Variants in ARID1B observed in about 807,000 individuals in gnomAD.
ARID1B encodes AT-rich interactive domain-containing protein 1B.
A neutral mutation model predicts 212.3 loss-of-function variants in ARID1B; 30 were observed. The observed-to-expected ratio is 0.14, with a 90% CI of 0.11 to 0.19. The LOEUF is 0.19. Among genes scored for constraint, ARID1B ranks in the 10% least tolerant of loss-of-function variants. ARID1B has a pLI of 1.00. For synonymous variants in ARID1B, 1,402 were observed against 1,301.7 expected, an observed-to-expected ratio of 1.08 and a Z score of -1.66; for missense variants, 2,891 against 3,204.0, an observed-to-expected ratio of 0.90 and a Z score of 2.36.
rs774777278 is a variant in ARID1B at position 157,201,290 on chromosome 6, C to T, written c.5065C>T (p.Arg1689Cys). 9.9e-6 allele frequency: 16 copies of T among 1,613,968 alleles called. No individual in the cohort carries two copies. The highest frequency in any genetic ancestry group is 5.0e-5 in the Admixed American group (3 of 60,000). ...PASFQRSLENRMSPSKSPFLP... is the reference protein window; with the variant it reads ...PASFQRSLENCMSPSKSPFLP... ...GTCCTTCCAGCGCTCCCTGGAGAAC[C>T]GCATGTCTCCAAGCAAGTCTCCTTT... is the stretch of plus-strand genomic sequence containing the variant. The change falls in exon 18 of 20, where the codon CGC (arginine) becomes TGC (cysteine). Residue 1689 changes from arginine (R) to cysteine (C), a missense_variant. Transcript: ENST00000636930. The surrounding 1 kb of genome is among the most constrained non-coding windows in gnomAD (Gnocchi z 5.2).
At chr6:157,064,694 C>T (rs114630619) in intron 4 of ARID1B, among the ~76,000 whole-genome samples, 2,154 of 152,254 alleles carry the variant, frequency 0.014, 53 homozygotes, top group African/African-American at 0.049. Context: ...CACATCCTCT[C>T]CTGACCAGCT....
At chr6:156,952,708 A>G (rs961928896) in intron 4 of ARID1B, among the ~76,000 whole-genome samples, 1 of 152,232 alleles carries the variant, frequency 6.6e-6, no homozygotes, top group African/African-American at 2.4e-5. Context: ...CAGCCGTGTC[A>G]TGCTCCTGTT....
At chr6:156,929,003 G>T (rs1450938150) in intron 3 of ARID1B, among the ~76,000 whole-genome samples, 1 of 152,158 alleles carries the variant, frequency 6.6e-6, no homozygotes, top group Non-Finnish European at 1.5e-5. Flanking sequence ...TGTCTCTAGT[G>T]TACAGTTATT....
rs58091585 is a variant in ARID1B at position 156,800,561 on chromosome 6, C to T, written c.1791+21090C>T. ...CTGAGATTGTACCACCGCACTTCAA[C>T]CTGGGTGACAGAGCAATACTCCATC... On this transcript the variant is annotated intron_variant, in intron 1 of 19. Coordinates refer to ENST00000636930, the MANE Select transcript of ARID1B (RefSeq NM_001374828.1). 7.7e-3 allele frequency among the ~76,000 whole-genome samples: 1,166 copies of T among 152,114 alleles called. 13 individuals are homozygous for T. Among genetic ancestry groups the T allele is most frequent in the African/African-American group, 0.027 (1,100 of 41,488 alleles).
Position 156,966,467 on chromosome 6 carries a change from C to A in ARID1B, c.2247+30891C>A, listed in dbSNP as rs181601864. Among the ~76,000 whole-genome samples the A allele has an allele frequency of 5.5e-3, 804 of 145,798 alleles. 6 individuals carry two copies. Among genetic ancestry groups the A allele is most frequent in the Non-Finnish European group, 6.4e-3 (429 of 67,162 alleles). The stretch of plus-strand genomic sequence containing the variant: ...GGAGTGCAGTGGTGCGATCTTGGCT[C>A]ACTGCAACCTCCGCCTCCCGGGTTC... On this transcript the variant is annotated intron_variant, in intron 4 of 19. Coordinates refer to ENST00000636930, the MANE Select transcript of ARID1B (RefSeq NM_001374828.1).
chr6:157,000,793 A>G (rs1169519925), intron 4 of ARID1B, among the ~76,000 whole-genome samples: 2 of 146,012 alleles, frequency 1.4e-5, no homozygotes, highest in African/African-American at 2.5e-5. Flanking sequence ...TCCCAGGTTC[A>G]AACGATTCTC....
intron 4 of ARID1B, among the ~76,000 whole-genome samples, chr6:156,976,609 CCGAG>C (rs1777265393): frequency 6.6e-6 from 1 of 152,064 alleles, no homozygotes; most frequent in Admixed American, 6.5e-5. Context: ...CCCTAGTCAC[CCGAG>C]CCAGCAACGG....
At chr6:156,935,767 TG>T in intron 4 of ARID1B, 191 bp downstream of exon 4, 1 of 526,514 alleles carries the variant, frequency 1.9e-6, no homozygotes. Flanking sequence ...CTATTTCATG[TG>T]TATATATCTC....
chr6:157,039,612 A>ACCTT (rs1282242222), intron 4 of ARID1B, among the ~76,000 whole-genome samples: 1 of 132,206 alleles, frequency 7.6e-6, no homozygotes, highest in East Asian at 2.3e-4. Flanking sequence ...TCCAAAAGCT[A>ACCTT]CCTACCTTCC....
intron 4 of ARID1B, among the ~76,000 whole-genome samples, chr6:157,061,174 C>A (rs1476249549): frequency 6.6e-6 from 1 of 152,116 alleles, no homozygotes; most frequent in Non-Finnish European, 1.5e-5. Flanking sequence ...CTATTTGTGT[C>A]TTTCTTATAC....
At chr6:157,144,508 A>G (rs1020677685) in intron 7 of ARID1B, among the ~76,000 whole-genome samples, 3 of 152,234 alleles carry the variant, frequency 2.0e-5, no homozygotes, top group Admixed American at 6.5e-5. Context: ...ATGAATGAGT[A>G]TATTTATTTT....
intron 4 of ARID1B, among the ~76,000 whole-genome samples, chr6:156,970,657 A>G (rs1380441849): frequency 6.6e-6 from 1 of 152,226 alleles, no homozygotes; most frequent in African/African-American, 2.4e-5. Context: ...TTATAGAGCA[A>G]CTGTCTGTGG....
At chr6:157,064,515 ATTTG>A (rs201631243) in intron 4 of ARID1B, among the ~76,000 whole-genome samples, 1,264 of 115,040 alleles carry the variant, frequency 0.011, 16 homozygotes, top group African/African-American at 0.042. Flanking sequence ...TGAAGACTTG[ATTTG>A]TTTAATTTTT....
Position 157,119,111 on chromosome 6 carries a change from T to TC in ARID1B, c.2581+8555dup, listed in dbSNP as rs1169392713. On this transcript the variant is annotated intron_variant, in intron 6 of 19. Transcript: ENST00000636930. ...GGAAGCCATCCTTGATGCGTTTTTC[T>TC]CCCCCGTCTGCCCCAAACTAATTAG... Among the ~76,000 whole-genome samples the TC allele has an allele frequency of 4.6e-5, 7 of 152,128 alleles. No homozygotes were observed. In the South Asian group the frequency reaches 1.0e-3, roughly 23 times the overall value.
At chr6:157,053,045 T>A (rs540383298) in intron 4 of ARID1B, among the ~76,000 whole-genome samples, 1 of 151,790 alleles carries the variant, frequency 6.6e-6, no homozygotes. Flanking sequence ...CAGCCTGATT[T>A]ACAACAGTGC....
chr6:157,076,076 C>T (rs1190077540), intron 4 of ARID1B, among the ~76,000 whole-genome samples: 1 of 151,994 alleles, frequency 6.6e-6, no homozygotes, highest in Non-Finnish European at 1.5e-5. Context: ...TTAGGGAAAC[C>T]GGATGAAGGA....
chr6:156,989,724 A>G (rs1216179085), intron 4 of ARID1B, among the ~76,000 whole-genome samples: 1 of 152,172 alleles, frequency 6.6e-6, no homozygotes, highest in Admixed American at 6.5e-5. Context: ...GAAATTAGCA[A>G]TGTTTGCTGA....
In ARID1B at chr6:156,897,279, A is replaced by C. The variant is rs371500425; in HGVS notation, c.1987-4097A>C. On this transcript the variant is annotated intron_variant, in intron 2 of 19. Coordinates refer to ENST00000636930, the MANE Select transcript of ARID1B (RefSeq NM_001374828.1). ...TCTTCTTCTTCTTATTATTATTATT[A>C]TTATTATTATTTGAGACAGAGTCTT... is the stretch of plus-strand genomic sequence containing the variant. 7.9e-3 allele frequency among the ~76,000 whole-genome samples: 949 copies of C among 119,848 alleles called. 6 individuals are homozygous for C. Among genetic ancestry groups the C allele is most frequent in the South Asian group, 0.019 (68 of 3,654 alleles). 78.6% of individuals were successfully genotyped at this position (119,848 alleles called of 152,430 possible). A position where few individuals can be genotyped will look rare whatever the true frequency, so the allele number is the denominator to read the frequency against.
chr6:156,851,884 C>G (rs1414818489), intron 2 of ARID1B, among the ~76,000 whole-genome samples: 2 of 152,038 alleles, frequency 1.3e-5, no homozygotes, highest in African/African-American at 4.8e-5. Context: ...TAAATTGATC[C>G]CTGTGGACTG....
Sources: gnomAD v4.1 joint callset for allele counts (sites outside exome capture counted in the v4.1 genomes callset) on GRCh38, gnomAD v4.1.1 for gene constraint, Gnocchi (gnomAD v3.1) non-coding constraint, MANE v1.5 for transcripts, NCBI Gene and HGNC (gene_info 2026-07-23, HGNC 2026-07-21) for gene names.